Variants in SLC1A4 observed in about 807,000 individuals in gnomAD.
SLC1A4 encodes the protein neutral amino acid transporter A.
Under a neutral mutation model 37.7 loss-of-function variants are expected in SLC1A4, and 19 were observed. The observed-to-expected ratio is 0.50, with a 90% CI of 0.35 to 0.74. The LOEUF (loss-of-function observed/expected upper bound fraction) is 0.74. Among genes scored for constraint, SLC1A4 ranks in the 30% least tolerant of loss-of-function variants. The pLI is 0.01. For synonymous variants in SLC1A4, 299 were observed against 309.8 expected (o/e 0.97, Z 0.37); for missense variants, 570 against 712.9 (o/e 0.80, Z 2.28).
intron 4 of SLC1A4, among the ~76,000 whole-genome samples, chr2:65,014,893 A>G (rs190386486): frequency 6.6e-6 from 1 of 152,370 alleles, no homozygotes; most frequent in East Asian, 1.9e-4. Flanking sequence ...TCTGAAGATA[A>G]TATTTAAAGA....
intron 3 of SLC1A4, among the ~76,000 whole-genome samples, chr2:65,008,223 T>C (rs1463940086): frequency 2.0e-5 from 3 of 152,170 alleles, no homozygotes; most frequent in African/African-American, 7.2e-5. Context: ...GCTCATAGAA[T>C]CCTAGTAGGC....
Position 65,010,844 on chromosome 2 carries a change from C to T in SLC1A4, c.800+81C>T, listed in dbSNP as rs147404938. 153 of 1,394,642 alleles carry T rather than the reference C, an allele frequency of 1.1e-4. No homozygotes were observed. In the African/African-American group the frequency reaches 1.9e-3, roughly 17 times the overall value. 86.4% of individuals were successfully genotyped at this position (1,394,642 alleles called of 1,614,324 possible). A position where few individuals can be genotyped will look rare whatever the true frequency, so the allele number is the denominator to read the frequency against. On this transcript the variant is annotated intron_variant, in intron 4 of 7. Coordinates refer to ENST00000234256, the MANE Select transcript of SLC1A4 (RefSeq NM_003038.5). ...GAGTCCACCTTGCTGTTCTAGGTAC[C>T]TGTGTGGGGCCACCTGGCACAATGC...
intron 1 of SLC1A4, 76 bp downstream of exon 1, chr2:64,990,246 T>A: frequency 2.3e-6 from 3 of 1,299,264 alleles, no homozygotes; most frequent in Non-Finnish European, 3.1e-6. Flanking sequence ...TACACCCATA[T>A]GCTTATACAC....
intron 3 of SLC1A4, among the ~76,000 whole-genome samples, chr2:65,006,798 A>G (rs1673694030): frequency 6.6e-6 from 1 of 152,076 alleles, no homozygotes; most frequent in Non-Finnish European, 1.5e-5. Flanking sequence ...ATACTAGCCA[A>G]GTATGGTGGC....
At chr2:64,991,376 AG>A (rs1250595508) in intron 1 of SLC1A4, among the ~76,000 whole-genome samples, 14 of 151,576 alleles carry the variant, frequency 9.2e-5, no homozygotes, top group African/African-American at 3.1e-4. Flanking sequence ...TCTTGCCAAA[AG>A]GGCAGATAGT....
At chr2:65,019,897 C>A (rs978689116) in intron 7 of SLC1A4, among the ~76,000 whole-genome samples, 2 of 152,232 alleles carry the variant, frequency 1.3e-5, no homozygotes, top group African/African-American at 4.8e-5. Flanking sequence ...CTGCCAGCCA[C>A]CCCATCCCCT....
At chr2:64,993,286 T>C (rs1410267942) in intron 1 of SLC1A4, among the ~76,000 whole-genome samples, 1 of 152,228 alleles carries the variant, frequency 6.6e-6, no homozygotes, top group Non-Finnish European at 1.5e-5. Context: ...GGTCTCTCTG[T>C]CATGATTTCT....
At chr2:65,013,838 A>G (rs571914526) in intron 4 of SLC1A4, among the ~76,000 whole-genome samples, 19 of 152,202 alleles carry the variant, frequency 1.2e-4, no homozygotes, top group African/African-American at 4.1e-4. Flanking sequence ...TTTCAGATGT[A>G]TTAAACCCAG....
At chr2:64,989,159 G>T (rs1672928618), upstream of SLC1A4, among the ~76,000 whole-genome samples, 3 of 151,696 alleles carry the variant, frequency 2.0e-5, no homozygotes, top group African/African-American at 7.2e-5. Context: ...AGGATTGGCC[G>T]GCGCCGCCCG....
Position 65,003,934 on chromosome 2 carries a change from T to G in SLC1A4, c.571-19T>G, listed in dbSNP as rs759088387. On this transcript the variant is annotated intron_variant, in intron 2 of 7. Transcript: ENST00000234256. ...CACCTGTGCACTAACAGTGGGTTTT[T>G]TTTTCCTCTTGATCACAGTATGCAA... The G allele has an allele frequency of 2.4e-5, 39 of 1,612,700 alleles. No individual in the cohort carries two copies. Among genetic ancestry groups the G allele is most frequent in the Non-Finnish European group, 3.3e-5 (39 of 1,178,750 alleles).
intron 1 of SLC1A4, among the ~76,000 whole-genome samples, chr2:64,996,900 A>G (rs1673276070): frequency 6.6e-6 from 1 of 152,240 alleles, no homozygotes; most frequent in Non-Finnish European, 1.5e-5. Flanking sequence ...GCCTGAAGAC[A>G]GAGCTCTGGG....
intron 7 of SLC1A4, 34 bp from the exon 8 acceptor site, chr2:65,020,878 T>C (rs1196183533): frequency 4.5e-6 from 7 of 1,568,322 alleles, no homozygotes; most frequent in Admixed American, 1.7e-5. Flanking sequence ...CGCCCAGCAG[T>C]AGATATAATA....
intron 1 of SLC1A4, among the ~76,000 whole-genome samples, chr2:64,990,395 G>A (rs1196408709): frequency 6.6e-6 from 1 of 152,188 alleles, no homozygotes; most frequent in Non-Finnish European, 1.5e-5. Flanking sequence ...GAGCAGGGCC[G>A]CATCTTTGAG....
intron 3 of SLC1A4, among the ~76,000 whole-genome samples, chr2:65,006,414 C>T (rs966264921): frequency 2.0e-5 from 3 of 152,064 alleles, no homozygotes; most frequent in African/African-American, 7.2e-5. Flanking sequence ...ATCACTTGAA[C>T]ACAGGATGTG....
At chr2:64,995,439 G>A (rs1673217690) in intron 1 of SLC1A4, among the ~76,000 whole-genome samples, 1 of 152,180 alleles carries the variant, frequency 6.6e-6, no homozygotes, top group Admixed American at 6.5e-5. Context: ...CATGAATGCT[G>A]CTCTTAACTT....
chr2:65,000,782 G>A (rs919254865), intron 1 of SLC1A4: 1 of 152,204 alleles, frequency 6.6e-6, no homozygotes, highest in African/African-American at 2.4e-5. Context: ...CGTATGTCAT[G>A]CAAGACATTG....
chr2:65,007,439 C>G (rs1212306513), intron 3 of SLC1A4, among the ~76,000 whole-genome samples: 1 of 152,164 alleles, frequency 6.6e-6, no homozygotes, highest in African/African-American at 2.4e-5. Context: ...GGATGCAACT[C>G]TGGTTGCTTG....
At chr2:65,009,918 T>A (rs1330641733) in intron 3 of SLC1A4, among the ~76,000 whole-genome samples, 1 of 151,994 alleles carries the variant, frequency 6.6e-6, no homozygotes, top group Non-Finnish European at 1.5e-5. Flanking sequence ...AGTCACTGAT[T>A]TGTTATCTGA....
At position 65,016,915 on chromosome 2, in the gene SLC1A4, T is replaced by C. The variant is rs10194230; in HGVS notation, c.1034+242T>C. ...CCCACCTCGGCCTTCCGAATAGCTGTGATTACAGGCATGCACAGCCACACC... is the reference window on the plus strand; with the variant it reads ...CCCACCTCGGCCTTCCGAATAGCTGCGATTACAGGCATGCACAGCCACACC... On this transcript the variant is annotated intron_variant, in intron 5 of 7. Coordinates refer to ENST00000234256, the MANE Select transcript of SLC1A4 (RefSeq NM_003038.5). Among the ~76,000 whole-genome samples the C allele has an allele frequency of 4.6e-5, 7 of 152,202 alleles. No homozygotes were observed. The East Asian group carries it at 1.4e-3, about 29-fold the overall frequency.
Sources: allele counts gnomAD v4.1 joint callset (sites outside exome capture counted in the v4.1 genomes callset), GRCh38; gene constraint gnomAD v4.1.1; transcripts MANE v1.5; gene names NCBI Gene and HGNC (gene_info 2026-07-23, HGNC 2026-07-21).